Variants in ZMYND8 observed in about 807,000 individuals in gnomAD.
ZMYND8 encodes the protein MYND-type zinc finger-containing chromatin reader ZMYND8.
In ZMYND8, 37 loss-of-function variants were observed where a neutral mutation model predicts 140.8. The ratio of observed to expected loss-of-function variants is 0.26; its 90% CI spans 0.20 to 0.35. The LOEUF (loss-of-function observed/expected upper bound fraction) is 0.35, where lower values mean the gene tolerates loss of function less well. Among genes scored for constraint, ZMYND8 ranks in the 10% least tolerant of loss-of-function variants. ZMYND8 has a pLI of 1.00. For synonymous variants in ZMYND8, 592 were observed against 597.1 expected (o/e 0.99, Z 0.12); for missense variants, 1,068 against 1,570.0 (o/e 0.68, Z 5.40).
intron 1 of ZMYND8, among the ~76,000 whole-genome samples, chr20:47,350,781 A>C (rs931496127): frequency 1.3e-5 from 2 of 152,228 alleles, no homozygotes; most frequent in Non-Finnish European, 2.9e-5. Flanking sequence ...TTTAAATCAA[A>C]AACAATGGGA....
In ZMYND8 at chr20:47,246,159, C is replaced by T; in HGVS notation, c.2133G>A (p.Lys711=). The part of the protein sequence containing the change: ...PSPHPIKDKL[K]GKDETDSPTV... Reference sequence around the variant, plus strand: ...TTGGGGAATCCGTCTCATCTTTTCCCTTCAGTTTATCCTTTATGGGGTGAG... The same window carrying T: ...TTGGGGAATCCGTCTCATCTTTTCCTTTCAGTTTATCCTTTATGGGGTGAG... The change falls in exon 14 of 23, where the codon AAG becomes AAA. Residue 711 remains lysine, a synonymous_variant. Coordinates refer to ENST00000471951, the MANE Select transcript of ZMYND8 (RefSeq NM_001281775.3). The T allele has an allele frequency of 6.2e-7, 1 of 1,614,120 alleles. No individual in the cohort carries two copies. The highest frequency in any genetic ancestry group is 1.3e-5 in the African/African-American group (1 of 75,018).
At chr20:47,312,288 C>T (rs2078998407) in intron 2 of ZMYND8, among the ~76,000 whole-genome samples, 1 of 152,156 alleles carries the variant, frequency 6.6e-6, no homozygotes, top group Admixed American at 6.5e-5. Flanking sequence ...AAGTATCTTC[C>T]AGCAGATTCA....
intron 2 of ZMYND8, among the ~76,000 whole-genome samples, chr20:47,310,856 A>T (rs2078877325): frequency 6.6e-6 from 1 of 151,552 alleles, no homozygotes; most frequent in Non-Finnish European, 1.5e-5. Context: ...GCTGAGTAAC[A>T]GCTACCCCAC....
intron 18 of ZMYND8, 55 bp downstream of exon 18, chr20:47,227,148 A>G (rs1255772157): frequency 1.3e-6 from 2 of 1,575,472 alleles, no homozygotes; most frequent in Admixed American, 1.7e-5. Flanking sequence ...CCAGAGGTGC[A>G]AAGAAGTTCA....
At chr20:47,240,366 T>C (rs1473094291) in intron 14 of ZMYND8, among the ~76,000 whole-genome samples, 1 of 151,222 alleles carries the variant, frequency 6.6e-6, no homozygotes, top group East Asian at 2.0e-4. Context: ...AATACAAAAA[T>C]AGCCGGGTGC....
chr20:47,281,553 C>T (rs971733813), intron 10 of ZMYND8, among the ~76,000 whole-genome samples: 1 of 152,150 alleles, frequency 6.6e-6, no homozygotes, highest in African/African-American at 2.4e-5. Flanking sequence ...ATAATTCACT[C>T]TGCCGTGTAC....
chr20:47,227,124 ATCT>A lies in ZMYND8; in HGVS notation c.3016+76_3016+78del. ...CTAGCCTAGCTTTAATTGCACTCAC[ATCT>A]CGGCTTGACTCCAGAGGTGCAAAGA... On this transcript the variant is annotated intron_variant, in intron 18 of 22. Coordinates refer to ENST00000471951, the MANE Select transcript of ZMYND8 (RefSeq NM_001281775.3). 2.1e-6 allele frequency: 3 copies of A among 1,441,474 alleles called. No homozygotes were observed. The East Asian group carries it at 6.9e-5, about 33-fold the overall frequency. 89.3% of individuals were successfully genotyped at this position (1,441,474 alleles called of 1,614,324 possible).
At chr20:47,343,952 TA>T (rs1258515224) in intron 2 of ZMYND8, among the ~76,000 whole-genome samples, 3 of 144,084 alleles carry the variant, frequency 2.1e-5, no homozygotes, top group Admixed American at 2.1e-4. Context: ...TCAACAGTGA[TA>T]AATCTTTTTT....
At chr20:47,238,673 A>T (rs763252238) in intron 15 of ZMYND8, 85 bp downstream of exon 15, 131 of 1,542,908 alleles carry the variant, frequency 8.5e-5, no homozygotes, top group East Asian at 3.7e-4. Flanking sequence ...ACTAAAAAAA[A>T]AAAATAAAAG....
intron 22 of ZMYND8, among the ~76,000 whole-genome samples, chr20:47,212,368 GGGAAT>G (rs1348887441): frequency 2.6e-5 from 4 of 152,340 alleles, no homozygotes; most frequent in South Asian, 4.1e-4. Context: ...CACCACAGGA[GGGAAT>G]CGGTGTTCAT....
intron 3 of ZMYND8, among the ~76,000 whole-genome samples, chr20:47,302,462 AAT>A (rs2148109892): frequency 6.6e-6 from 1 of 152,312 alleles, no homozygotes; most frequent in East Asian, 1.9e-4. Flanking sequence ...ATCTCAAAAA[AAT>A]ATATATCTAT....
chr20:47,342,501 C>T (rs1302402942), intron 2 of ZMYND8, among the ~76,000 whole-genome samples: 1 of 146,954 alleles, frequency 6.8e-6, no homozygotes, highest in African/African-American at 2.5e-5. Context: ...GAGCCAAGAT[C>T]GCGCCAACTG....
chr20:47,314,647 A>T (rs1017859275), intron 2 of ZMYND8, among the ~76,000 whole-genome samples: 1 of 152,222 alleles, frequency 6.6e-6, no homozygotes, highest in East Asian at 1.9e-4. Flanking sequence ...ACGCTAGGGT[A>T]TGTGTATGTG....
intron 5 of ZMYND8, among the ~76,000 whole-genome samples, chr20:47,293,968 A>T (rs561317149): frequency 6.6e-6 from 1 of 152,218 alleles, no homozygotes; most frequent in South Asian, 2.1e-4. Flanking sequence ...CTGCCATGTA[A>T]AACGTGCCTT....
At chr20:47,332,310 C>CA (rs902446541) in intron 2 of ZMYND8, among the ~76,000 whole-genome samples, 14 of 147,664 alleles carry the variant, frequency 9.5e-5, no homozygotes, top group South Asian at 6.5e-4. Flanking sequence ...GACTCAATCT[C>CA]AAAAAAAAAA....
chr20:47,238,996 G>T lies in ZMYND8; in HGVS notation c.2427C>A (p.Ala809=). 1 of 1,608,736 alleles carries T rather than the reference G, an allele frequency of 6.2e-7. No individual in the cohort carries two copies. Among genetic ancestry groups the T allele is most frequent in the Non-Finnish European group, 8.5e-7 (1 of 1,175,746 alleles). ...GGCTTCCTGTGGCGGCGGGGGCCGG[G>T]GCCGTGACGGTGACCGTGGAGGACG... ...TSTSSTVTVT[A]PAPAATGSPV... is the part of the protein sequence containing the mutation. Residue 809 remains alanine (A), a synonymous_variant, in exon 15 of 23, where the codon GCC becomes GCA. Coordinates refer to ENST00000471951, the MANE Select transcript of ZMYND8 (RefSeq NM_001281775.3).
intron 8 of ZMYND8, among the ~76,000 whole-genome samples, chr20:47,286,855 A>T (rs1310547499): frequency 6.6e-6 from 1 of 152,172 alleles, no homozygotes; most frequent in African/African-American, 2.4e-5. Flanking sequence ...ATGCCCCCAG[A>T]TATCAAATCC....
At chr20:47,344,136 C>G (rs2082146970) in intron 2 of ZMYND8, among the ~76,000 whole-genome samples, 1 of 151,720 alleles carries the variant, frequency 6.6e-6, no homozygotes, top group African/African-American at 2.4e-5. Flanking sequence ...TGCCACCACA[C>G]CCAGCTAATT....
intron 5 of ZMYND8, among the ~76,000 whole-genome samples, chr20:47,292,602 G>C (rs1354196270): frequency 6.6e-6 from 1 of 151,918 alleles, no homozygotes; most frequent in Non-Finnish European, 1.5e-5. Context: ...CAAAGCAAAA[G>C]CTTCTTTTTT....
Sources: gnomAD v4.1 joint callset for allele counts (sites outside exome capture counted in the v4.1 genomes callset) on GRCh38, gnomAD v4.1.1 for gene constraint, MANE v1.5 for transcripts, NCBI Gene and HGNC (gene_info 2026-07-23, HGNC 2026-07-21) for gene names.